The following PCED1B variants were observed in gnomAD, a reference collection of about 807,000 sequenced individuals.
PCED1B encodes PC-esterase domain containing 1B.
For synonymous variants in PCED1B, 251 were observed against 246.1 expected (o/e 1.02, Z -0.19); for missense variants, 573 against 573.9 (o/e 1.00, Z 0.02).
At chr12:47,091,600 T>A (rs1938268923) in intron 1 of PCED1B, among the ~76,000 whole-genome samples, 1 of 152,162 alleles carries the variant, frequency 6.6e-6, no homozygotes, top group South Asian at 2.1e-4. Flanking sequence ...TTCATTTGCT[T>A]ATTTTCTATT....
intron 2 of PCED1B, among the ~76,000 whole-genome samples, chr12:47,154,883 C>T (rs1183585378): frequency 6.6e-6 from 1 of 151,828 alleles, no homozygotes; most frequent in Non-Finnish European, 1.5e-5. Context: ...AAATTATATT[C>T]ATTACTTTCT....
intron 2 of PCED1B, among the ~76,000 whole-genome samples, chr12:47,191,972 C>T (rs1477117905): frequency 6.6e-6 from 1 of 152,154 alleles, no homozygotes; most frequent in East Asian, 1.9e-4. Context: ...AAATGATTGA[C>T]TGTTTTCTCT....
At chr12:47,183,130 G>A (rs1294201283) in intron 2 of PCED1B, among the ~76,000 whole-genome samples, 1 of 152,138 alleles carries the variant, frequency 6.6e-6, no homozygotes, top group African/African-American at 2.4e-5. Flanking sequence ...TATCTTGGGA[G>A]TGTTAGCTAC....
intron 3 of PCED1B, among the ~76,000 whole-genome samples, chr12:47,224,942 C>T (rs1419351875): frequency 6.6e-6 from 1 of 152,020 alleles, no homozygotes; most frequent in Non-Finnish European, 1.5e-5. Context: ...TTTTCGTTTT[C>T]TTTTTTTGAC....
intron 2 of PCED1B, among the ~76,000 whole-genome samples, chr12:47,186,744 C>T (rs931384507): frequency 2.6e-5 from 4 of 152,092 alleles, no homozygotes; most frequent in African/African-American, 9.7e-5. Flanking sequence ...AGTCTGAGGG[C>T]CTTCAGAATT....
chr12:47,163,353 T>C (rs1289044175), intron 2 of PCED1B, among the ~76,000 whole-genome samples: 2 of 152,212 alleles, frequency 1.3e-5, no homozygotes, highest in Non-Finnish European at 2.9e-5. Flanking sequence ...ATATCATCTG[T>C]GAACAGAGAC....
intron 2 of PCED1B, among the ~76,000 whole-genome samples, chr12:47,188,087 G>T (rs1942329050): frequency 6.6e-6 from 1 of 152,050 alleles, no homozygotes; most frequent in South Asian, 2.1e-4. Flanking sequence ...CTGTTCCCCA[G>T]ACATACCTCT....
intron 2 of PCED1B, among the ~76,000 whole-genome samples, chr12:47,121,830 G>A (rs528377031): frequency 1.2e-3 from 187 of 152,100 alleles, no homozygotes; most frequent in African/African-American, 3.9e-3. Context: ...TCAGCAGTTC[G>A]AGACCAGCCT....
chr12:47,192,491 C>T (rs1258018525), intron 2 of PCED1B, among the ~76,000 whole-genome samples: 2 of 152,164 alleles, frequency 1.3e-5, no homozygotes, highest in Non-Finnish European at 2.9e-5. Context: ...TCAAAACTTT[C>T]CTTTGGGAAA....
intron 2 of PCED1B, chr12:47,135,726 A>T (rs562868243): frequency 1.9e-6 from 1 of 532,286 alleles, no homozygotes; most frequent in Non-Finnish European, 3.8e-6. Context: ...TAGGGACCAG[A>T]CGACATGGTC....
chr12:47,234,429 A>G (rs1943906980), intron 3 of PCED1B, among the ~76,000 whole-genome samples: 1 of 152,264 alleles, frequency 6.6e-6, no homozygotes, highest in Admixed American at 6.5e-5. Context: ...GAAGTCAACC[A>G]TAATCCTATT....
At chr12:47,230,813 G>GT (rs796203331) in intron 3 of PCED1B, among the ~76,000 whole-genome samples, 9 of 152,304 alleles carry the variant, frequency 5.9e-5, no homozygotes, top group African/African-American at 2.2e-4. Context: ...CTCTCAAAAA[G>GT]TTTTGGGTTT....
intron 2 of PCED1B, among the ~76,000 whole-genome samples, chr12:47,114,369 T>C (rs1242058295): frequency 6.6e-6 from 1 of 152,198 alleles, no homozygotes; most frequent in Admixed American, 6.5e-5. Context: ...ACTTATGACT[T>C]AAAAGCAGAA....
At chr12:47,141,073 T>G (rs1940572582) in intron 2 of PCED1B, among the ~76,000 whole-genome samples, 1 of 152,204 alleles carries the variant, frequency 6.6e-6, no homozygotes, top group Non-Finnish European at 1.5e-5. Context: ...ATTTCAGCTG[T>G]GCAAGCAGCA....
At chr12:47,082,573 T>C (rs1937792016) in intron 1 of PCED1B, among the ~76,000 whole-genome samples, 1 of 152,262 alleles carries the variant, frequency 6.6e-6, no homozygotes, top group Admixed American at 6.5e-5. Context: ...CTAACACATG[T>C]AATGATGGTG....
intron 3 of PCED1B, among the ~76,000 whole-genome samples, chr12:47,220,361 T>C (rs201108804): frequency 6.6e-6 from 1 of 152,018 alleles, no homozygotes; most frequent in South Asian, 2.1e-4. Context: ...TAGTAGAGAC[T>C]GGGTTTCACC....
intron 2 of PCED1B, among the ~76,000 whole-genome samples, chr12:47,139,048 C>T (rs1015954592): frequency 5.3e-5 from 8 of 152,152 alleles, no homozygotes; most frequent in Non-Finnish European, 7.3e-5. Context: ...CTTGAATAGA[C>T]TGTAAGTTTC....
intron 2 of PCED1B, among the ~76,000 whole-genome samples, chr12:47,213,253 A>G (rs1419168847): frequency 6.6e-6 from 1 of 152,236 alleles, no homozygotes; most frequent in Non-Finnish European, 1.5e-5. Flanking sequence ...AAGATTTCGT[A>G]CCCTAATAGA....
chr12:47,156,222 A>G (rs1351246472), intron 2 of PCED1B, among the ~76,000 whole-genome samples: 1 of 152,170 alleles, frequency 6.6e-6, no homozygotes, highest in Non-Finnish European at 1.5e-5. Flanking sequence ...GATGGCAAAA[A>G]TATAAAGCCT....
Sources: allele counts gnomAD v4.1 joint callset (sites outside exome capture counted in the v4.1 genomes callset), GRCh38; gene constraint gnomAD v4.1.1; transcripts MANE v1.5; gene names NCBI Gene and HGNC (gene_info 2026-07-23, HGNC 2026-07-21).